Variants in PIK3C3 observed in about 807,000 individuals in gnomAD.
PIK3C3 encodes PI3-kinase type 3.
In PIK3C3, 95 loss-of-function variants were observed where a neutral mutation model predicts 126.1. That is an observed-to-expected ratio of 0.75 (90% CI 0.64 to 0.89). The LOEUF (loss-of-function observed/expected upper bound fraction) is 0.89, where lower values mean the gene tolerates loss of function less well. Among genes scored for constraint, PIK3C3 ranks in the 40% least tolerant of loss-of-function variants. The probability of loss-of-function intolerance (pLI) is 0.00; values close to 1 mark genes in which losing one functional copy is unlikely to be tolerated. For missense variants in PIK3C3, 829 were observed against 1,063.2 expected, an observed-to-expected ratio of 0.78 and a Z score of 3.06; for synonymous variants, 374 against 360.0, an observed-to-expected ratio of 1.04 and a Z score of -0.44.
intron 24 of PIK3C3, among the ~76,000 whole-genome samples, chr18:42,076,097 TATATATATATATATATATATATATGCGC>T (rs1568013366): frequency 3.8e-5 from 3 of 79,252 alleles, no homozygotes; most frequent in African/African-American, 1.9e-4. Flanking sequence ...TGCATATATA[TATATATATATATATATATATATATGCGC>T]ATATATATAT....
chr18:42,074,669 A>T (rs1985907923), intron 24 of PIK3C3, among the ~76,000 whole-genome samples: 1 of 152,060 alleles, frequency 6.6e-6, no homozygotes, highest in Non-Finnish European at 1.5e-5. Context: ...ATCTTTTTAT[A>T]TGTGTGTTTT....
chr18:42,061,574 T>TC (rs1299564369), intron 22 of PIK3C3, among the ~76,000 whole-genome samples: 1 of 151,730 alleles, frequency 6.6e-6, no homozygotes, highest in Non-Finnish European at 1.5e-5. Flanking sequence ...AGAACAAGAC[T>TC]CCATCTAAAA....
chr18:41,983,456 A>G (rs1372604317), intron 4 of PIK3C3, among the ~76,000 whole-genome samples: 17 of 151,836 alleles, frequency 1.1e-4, no homozygotes, highest in Admixed American at 1.1e-3. Flanking sequence ...GTATACTTAC[A>G]TTTGTTTTCC....
At chr18:42,079,944 T>TGA (rs1304867011) in intron 24 of PIK3C3, among the ~76,000 whole-genome samples, 3 of 102,492 alleles carry the variant, frequency 2.9e-5, no homozygotes, top group South Asian at 8.5e-4. Flanking sequence ...CCCCAACTTT[T>TGA]GAGTGTGTGT....
At chr18:42,064,141 T>C (rs1224224695) in intron 22 of PIK3C3, among the ~76,000 whole-genome samples, 1 of 152,220 alleles carries the variant, frequency 6.6e-6, no homozygotes, top group East Asian at 1.9e-4. Flanking sequence ...CAGCATACTC[T>C]GAAGATATCA....
chr18:42,058,468 A>G (rs1366036844), intron 22 of PIK3C3, among the ~76,000 whole-genome samples: 3 of 152,298 alleles, frequency 2.0e-5, no homozygotes, highest in Middle Eastern at 3.4e-3. Context: ...CTGACTTCCT[A>G]TTTCTTTATC....
chr18:42,078,439 T>C (rs187106960), intron 24 of PIK3C3, among the ~76,000 whole-genome samples: 1 of 147,188 alleles, frequency 6.8e-6, no homozygotes, highest in Admixed American at 6.8e-5. Context: ...TAAACAAATA[T>C]GATATCATCC....
Position 42,038,766 on chromosome 18 carries a change from C to T in PIK3C3, c.1969-15C>T, listed in dbSNP as rs1411407156. 1.9e-5 allele frequency: 30 copies of T among 1,550,892 alleles called. No homozygotes were observed. The highest frequency in any genetic ancestry group is 2.7e-5 in the Non-Finnish European group (30 of 1,124,402). Reference sequence around the variant, plus strand: ...CTTTACATTTGGTTAATATATTTTACCTTTTGATTAAAAGCTGTTACGGAA... The same window carrying T: ...CTTTACATTTGGTTAATATATTTTATCTTTTGATTAAAAGCTGTTACGGAA... On this transcript the variant is annotated splice_polypyrimidine_tract_variant and intron_variant, in intron 17 of 24. Coordinates refer to ENST00000262039, the MANE Select transcript of PIK3C3 (RefSeq NM_002647.4).
intron 22 of PIK3C3, among the ~76,000 whole-genome samples, chr18:42,061,380 C>G (rs769091649): frequency 5.3e-5 from 8 of 151,998 alleles, no homozygotes; most frequent in Non-Finnish European, 1.0e-4. Flanking sequence ...GTCAGGAGTT[C>G]GAGACCAGCC....
Position 42,054,136 on chromosome 18 carries a change from A to ATATATC in PIK3C3, c.2264-3742_2264-3741insCTATAT, listed in dbSNP as rs1568002634. On this transcript the variant is annotated intron_variant, in intron 21 of 24. Coordinates refer to ENST00000262039, the MANE Select transcript of PIK3C3 (RefSeq NM_002647.4). Reference sequence around the variant, plus strand: ...GGGACAGAACTAATGGTATATATATATATATATATATATATATATATATAT... The same window carrying ATATATC: ...GGGACAGAACTAATGGTATATATATATATATCTATATATATATATATATATATATAT... Among the ~76,000 whole-genome samples the ATATATC allele has an allele frequency of 1.3e-3, 16 of 12,230 alleles. 1 individual carries two copies. Among genetic ancestry groups the ATATATC allele is most frequent in the East Asian group, 0.011 (4 of 360 alleles). The allele number at this position is 12,230 out of a possible 152,430, so 8.0% of individuals were successfully genotyped here.
rs779583713 is a variant in PIK3C3 at position 42,015,461 on chromosome 18, T to C, written c.1326-15T>C. 6.3e-6 allele frequency: 10 copies of C among 1,595,252 alleles called. No individual in the cohort carries two copies. The African/African-American group carries it at 1.2e-4, about 19-fold the overall frequency. ...GTATTTTACATCTCAGTGATCTCTT[T>C]TATTACTTTTTCAGCTCCCAAATTA... On this transcript the variant is annotated splice_polypyrimidine_tract_variant and intron_variant, in intron 11 of 24. Transcript: ENST00000262039.
intron 20 of PIK3C3, among the ~76,000 whole-genome samples, chr18:42,044,551 T>G (rs1984475398): frequency 1.3e-5 from 2 of 152,170 alleles, no homozygotes; most frequent in South Asian, 2.1e-4. Flanking sequence ...TACCTGGGAC[T>G]GTAGGAGGTG....
chr18:42,057,980 G>A lies in PIK3C3; in HGVS notation c.2361G>A (p.Met787Ile). 1 of 1,613,206 alleles carries A rather than the reference G, an allele frequency of 6.2e-7. No individual in the cohort carries two copies. Among genetic ancestry groups the A allele is most frequent in the Non-Finnish European group, 8.5e-7 (1 of 1,179,510 alleles). Residue 787 changes from methionine (M) to isoleucine (I), a missense_variant, in exon 22 of 25, where the codon ATG (methionine) becomes ATA (isoleucine). Around this residue, in one of 4 missense-constraint regions of PIK3C3, gnomAD observed 196 missense variants for 312.8 expected, o/e 0.63. Coordinates refer to ENST00000262039, the MANE Select transcript of PIK3C3 (RefSeq NM_002647.4). ...TGAATAAAGAAATGGTAGAAGGAAT[G>A]GGGGGCACACAGAGTGAGCAGTACC... ...MKLNKEMVEG[M>I]GGTQSEQYQE...
In PIK3C3 at chr18:42,037,698, C is replaced by T; in HGVS notation, c.1846C>T (p.Leu616Phe). The T allele has an allele frequency of 1.2e-6, 2 of 1,608,604 alleles. No individual in the cohort carries two copies. The highest frequency in any genetic ancestry group is 8.5e-7 in the Non-Finnish European group (1 of 1,176,250). ...CAATATTTTTATTTTCCAGAGTGCC[C>T]TTATGCCTGCACAGTTGTTTTTTAA... ...PETATLFKSA[L>F]MPAQLFFKTE... The change falls in exon 17 of 25, where the codon CTT becomes TTT. Residue 616 changes from leucine to phenylalanine, a missense_variant. This residue lies in a region of PIK3C3 where 256 missense variants were observed against 291.0 expected (regional missense o/e 0.88). Coordinates refer to ENST00000262039, the MANE Select transcript of PIK3C3 (RefSeq NM_002647.4).
At chr18:41,962,906 T>C (rs897836491) in intron 3 of PIK3C3, among the ~76,000 whole-genome samples, 1 of 152,188 alleles carries the variant, frequency 6.6e-6, no homozygotes, top group Non-Finnish European at 1.5e-5. Context: ...GAACCTTGCT[T>C]TTAGGGAAAA....
Position 42,025,006 on chromosome 18 carries a change from G to A in PIK3C3, c.1485-2437G>A, listed in dbSNP as rs527493617. ...TTTTTTTTAGTATAGTAGAGACGGGGTTTCACCGTGTTAGCCAGGATGGTC... is the reference window on the plus strand; with the variant it reads ...TTTTTTTTAGTATAGTAGAGACGGGATTTCACCGTGTTAGCCAGGATGGTC... On this transcript the variant is annotated intron_variant, in intron 13 of 24. Transcript: ENST00000262039. 4.6e-5 allele frequency among the ~76,000 whole-genome samples: 7 copies of A among 151,744 alleles called. No individual in the cohort carries two copies. The East Asian group carries it at 9.9e-4, about 21-fold the overall frequency.
In PIK3C3 at chr18:41,999,386, TG is replaced by T. The variant is rs893540646; in HGVS notation, c.984+2661del. Among the ~76,000 whole-genome samples, 102 of 152,032 alleles carry T rather than the reference TG, an allele frequency of 6.7e-4. 1 individual carries two copies. The highest frequency in any genetic ancestry group is 8.3e-4 in the South Asian group (4 of 4,828). ...TAACTCCATGCCTTTTGATTATGCT[TG>T]GGGGAAAAAAGCAGTTGGAAGAGTC... On this transcript the variant is annotated intron_variant, in intron 9 of 24. Coordinates refer to ENST00000262039, the MANE Select transcript of PIK3C3 (RefSeq NM_002647.4).
At chr18:42,018,203 T>A (rs930345366) in intron 12 of PIK3C3, among the ~76,000 whole-genome samples, 2 of 152,074 alleles carry the variant, frequency 1.3e-5, no homozygotes, top group Non-Finnish European at 1.5e-5. Context: ...TCTTTTTTTA[T>A]AAAGCACTTT....
intron 22 of PIK3C3, among the ~76,000 whole-genome samples, chr18:42,064,173 T>A (rs954902998): frequency 6.6e-6 from 1 of 152,210 alleles, no homozygotes; most frequent in Non-Finnish European, 1.5e-5. Context: ...TCTTGCCCAT[T>A]TTTAATGCAG....
Sources: allele counts gnomAD v4.1 joint callset (sites outside exome capture counted in the v4.1 genomes callset), GRCh38; gene constraint gnomAD v4.1.1; regional missense constraint gnomAD v4.1.1; transcripts MANE v1.5; gene names NCBI Gene and HGNC (gene_info 2026-07-23, HGNC 2026-07-21).